The following CTNND2 variants were observed in gnomAD, a reference collection of about 807,000 sequenced individuals.
CTNND2 encodes the protein catenin delta 2.
In CTNND2, 22 loss-of-function variants were observed where a neutral mutation model predicts 144.4. The ratio of observed to expected loss-of-function variants is 0.15; its 90% CI spans 0.11 to 0.22. The LOEUF (loss-of-function observed/expected upper bound fraction) is 0.22. CTNND2 is among the 10% of genes least tolerant of loss of function. The pLI is 1.00. For missense variants in CTNND2, 1,353 were observed against 1,618.8 expected, an observed-to-expected ratio of 0.84 and a Z score of 2.82; for synonymous variants, 751 against 695.6, an observed-to-expected ratio of 1.08 and a Z score of -1.25.
intron 10 of CTNND2, among the ~76,000 whole-genome samples, chr5:11,205,974 C>T (rs183808935): frequency 1.3e-5 from 2 of 152,298 alleles, no homozygotes; most frequent in Non-Finnish European, 2.9e-5. Context: ...TGTGAACCTA[C>T]CTCATAGGTT....
chr5:11,252,474 G>A (rs185884958), intron 9 of CTNND2, among the ~76,000 whole-genome samples: 1 of 152,234 alleles, frequency 6.6e-6, no homozygotes, highest in East Asian at 1.9e-4. Context: ...ATAAGCACTG[G>A]CATAAGTTCA....
At chr5:11,589,912 T>A (rs751993031) in intron 2 of CTNND2, among the ~76,000 whole-genome samples, 3 of 152,152 alleles carry the variant, frequency 2.0e-5, no homozygotes, top group Non-Finnish European at 4.4e-5. Context: ...TAAAACAATA[T>A]ACAAATGTAA....
chr5:11,746,723 T>C (rs1788336286), intron 1 of CTNND2, among the ~76,000 whole-genome samples: 1 of 152,198 alleles, frequency 6.6e-6, no homozygotes, highest in Non-Finnish European at 1.5e-5. Context: ...TTCATATTTA[T>C]AACCTCAGTG....
intron 1 of CTNND2, among the ~76,000 whole-genome samples, chr5:11,869,702 T>C (rs1795935771): frequency 6.6e-6 from 1 of 152,230 alleles, no homozygotes; most frequent in Admixed American, 6.5e-5. Context: ...CTTCTATACT[T>C]AAAAACGGCT....
At chr5:11,539,965 A>T (rs1340637449) in intron 3 of CTNND2, among the ~76,000 whole-genome samples, 3 of 152,100 alleles carry the variant, frequency 2.0e-5, no homozygotes, top group Non-Finnish European at 4.4e-5. Flanking sequence ...ACCCAGGAGG[A>T]GGAGTTTGCA....
intron 3 of CTNND2, among the ~76,000 whole-genome samples, chr5:11,541,122 C>G (rs1774692538): frequency 6.6e-6 from 1 of 152,176 alleles, no homozygotes; most frequent in African/African-American, 2.4e-5. Flanking sequence ...GAGCCAGGCA[C>G]TGCCCCTGGT....
chr5:11,524,100 T>G (rs898955847), intron 3 of CTNND2, among the ~76,000 whole-genome samples: 1 of 152,052 alleles, frequency 6.6e-6, no homozygotes, highest in African/African-American at 2.4e-5. Context: ...GGTAAGAGGG[T>G]GGGCAGGAGG....
At chr5:11,724,284 G>A (rs35048671) in intron 2 of CTNND2, among the ~76,000 whole-genome samples, 9,336 of 152,090 alleles carry the variant, frequency 0.061, 416 homozygotes, top group South Asian at 0.096. Context: ...TATTCAAGCC[G>A]TGTTCTTGGG....
At chr5:11,707,937 C>T (rs1193375437) in intron 2 of CTNND2, among the ~76,000 whole-genome samples, 2 of 152,148 alleles carry the variant, frequency 1.3e-5, no homozygotes, top group African/African-American at 4.8e-5. Context: ...AAGAACTTTC[C>T]ACTCCTAAAT....
chr5:11,802,432 T>C (rs1436581656), intron 1 of CTNND2, among the ~76,000 whole-genome samples: 2 of 149,270 alleles, frequency 1.3e-5, no homozygotes, highest in Non-Finnish European at 3.0e-5. Flanking sequence ...CTGGGCGTGG[T>C]GGCGCATGCC....
intron 11 of CTNND2, among the ~76,000 whole-genome samples, chr5:11,194,019 A>T (rs1736605875): frequency 1.3e-5 from 2 of 152,222 alleles, no homozygotes; most frequent in African/African-American, 4.8e-5. Context: ...ACAGGACAGA[A>T]GATGTTATTT....
intron 11 of CTNND2, among the ~76,000 whole-genome samples, chr5:11,160,327 A>G (rs1307301540): frequency 6.6e-6 from 1 of 152,244 alleles, no homozygotes; most frequent in Non-Finnish European, 1.5e-5. Context: ...CTCTGAAAGC[A>G]ATGCTCATGG....
At chr5:11,802,093 T>G (rs1446971691) in intron 1 of CTNND2, among the ~76,000 whole-genome samples, 2 of 150,882 alleles carry the variant, frequency 1.3e-5, no homozygotes, top group South Asian at 2.1e-4. Context: ...GCCAAAATGG[T>G]GAAACCCCAT....
intron 2 of CTNND2, among the ~76,000 whole-genome samples, chr5:11,613,720 C>CT (rs768941279): frequency 6.6e-6 from 1 of 152,186 alleles, no homozygotes; most frequent in Non-Finnish European, 1.5e-5. Context: ...TGGGTCATCT[C>CT]TTTCTTACCA....
intron 3 of CTNND2, among the ~76,000 whole-genome samples, chr5:11,446,545 T>C (rs969588113): frequency 1.3e-5 from 2 of 152,048 alleles, no homozygotes; most frequent in African/African-American, 4.8e-5. Context: ...GTGGAGACTA[T>C]TTGAGGTGAC....
Position 11,428,193 on chromosome 5 carries a change from T to C in CTNND2, c.288-16124A>G, listed in dbSNP as rs1762965569. On this transcript the variant is annotated intron_variant, in intron 3 of 21. Transcript: ENST00000304623. The stretch of plus-strand genomic sequence containing the variant: ...TTGGTGGGGACACAGCCAAACCATA[T>C]CAACCCTAAAGACAAAGTCTGACTA... Among the ~76,000 whole-genome samples the C allele has an allele frequency of 2.0e-5, 3 of 152,256 alleles. No individual in the cohort carries two copies. The South Asian group carries it at 6.2e-4, about 32-fold the overall frequency.
At chr5:11,010,223 A>G (rs2149523232) in intron 18 of CTNND2, among the ~76,000 whole-genome samples, 1 of 152,338 alleles carries the variant, frequency 6.6e-6, no homozygotes, top group East Asian at 1.9e-4. Context: ...AATTTCCTTG[A>G]TAAAATGACA....
At position 11,501,976 on chromosome 5, in the gene CTNND2, C is replaced by T. The variant is rs1017083570; in HGVS notation, c.287+62968G>A. On this transcript the variant is annotated intron_variant, in intron 3 of 21. Coordinates refer to ENST00000304623, the MANE Select transcript of CTNND2 (RefSeq NM_001332.4). Reference sequence around the variant, plus strand: ...CCAGCAGACGGAGCTTGCAGTGAGCCGTGATTGCGCTACTGCACTCCAGCC... The same window carrying T: ...CCAGCAGACGGAGCTTGCAGTGAGCTGTGATTGCGCTACTGCACTCCAGCC... Among the ~76,000 whole-genome samples the T allele has an allele frequency of 2.9e-5, 4 of 139,890 alleles. No homozygotes were observed. In the South Asian group the frequency reaches 7.0e-4, roughly 24 times the overall value. 91.8% of individuals were successfully genotyped at this position (139,890 alleles called of 152,430 possible). A position where few individuals can be genotyped will look rare whatever the true frequency, so the allele number is the denominator to read the frequency against.
At chr5:11,016,183 G>A (rs1304987263) in intron 18 of CTNND2, among the ~76,000 whole-genome samples, 5 of 152,144 alleles carry the variant, frequency 3.3e-5, no homozygotes, top group Non-Finnish European at 5.9e-5. Context: ...GCTATCTGCC[G>A]CAGTCCTGGA....
Sources: allele counts gnomAD v4.1 joint callset (sites outside exome capture counted in the v4.1 genomes callset), GRCh38; gene constraint gnomAD v4.1.1; transcripts MANE v1.5; gene names NCBI Gene and HGNC (gene_info 2026-07-23, HGNC 2026-07-21).